Variants in PPIL4 observed in about 807,000 individuals in gnomAD.
The protein encoded by PPIL4 is peptidyl-prolyl cis-trans isomerase-like 4.
Under a neutral mutation model 69.1 loss-of-function variants are expected in PPIL4, and 50 were observed. That is an observed-to-expected ratio of 0.72 (90% CI 0.58 to 0.92). The LOEUF is 0.92. Ranked by LOEUF, PPIL4 falls within the 40% of genes least tolerant of loss-of-function variation. The pLI is 0.00. For synonymous variants in PPIL4, 193 were observed against 191.6 expected, an observed-to-expected ratio of 1.01 and a Z score of -0.06; for missense variants, 480 against 587.9, an observed-to-expected ratio of 0.82 and a Z score of 1.90.
intron 7 of PPIL4, among the ~76,000 whole-genome samples, chr6:149,531,226 G>A (rs907419291): frequency 6.6e-6 from 1 of 151,896 alleles, no homozygotes; most frequent in Non-Finnish European, 1.5e-5. Flanking sequence ...TTAGCTGGAT[G>A]TGGTGGCAGG....
chr6:149,539,009 G>T (rs1006247893), intron 4 of PPIL4, among the ~76,000 whole-genome samples: 7 of 152,124 alleles, frequency 4.6e-5, no homozygotes, highest in Non-Finnish European at 7.3e-5. Flanking sequence ...ACCACGCCGA[G>T]CTAATTTTTG....
intron 1 of PPIL4, among the ~76,000 whole-genome samples, chr6:149,541,925 A>G (rs939160505): frequency 6.6e-6 from 1 of 152,086 alleles, no homozygotes; most frequent in Non-Finnish European, 1.5e-5. Context: ...GAGGCAGGAG[A>G]ATCACTTGAA....
chr6:149,542,347 T>C (rs1189514963), intron 1 of PPIL4, among the ~76,000 whole-genome samples: 2 of 152,182 alleles, frequency 1.3e-5, no homozygotes, highest in African/African-American at 4.8e-5. Context: ...ACAACCTTTC[T>C]CATACAAGTT....
At position 149,505,347 on chromosome 6, in the gene PPIL4, A is replaced by G; in HGVS notation, c.*106T>C. 2 of 1,070,694 alleles carry G rather than the reference A, an allele frequency of 1.9e-6. No homozygotes were observed. The highest frequency in any genetic ancestry group is 1.6e-5 in the South Asian group (1 of 63,712). The allele number at this position is 1,070,694 out of a possible 1,614,324, so 66.3% of individuals were successfully genotyped here. On this transcript the variant is annotated 3_prime_UTR_variant, in exon 13 of 13. Coordinates refer to ENST00000253329, the MANE Select transcript of PPIL4 (RefSeq NM_139126.4). ...ATCTAAAGACCATAATCCTAGTATG[A>G]AAAAAATAACAAGCTTTGACACAAA...
At chr6:149,533,670 C>A (rs1159197492) in intron 6 of PPIL4, 96 bp from the exon 7 acceptor site, 5 of 681,142 alleles carry the variant, frequency 7.3e-6, no homozygotes, top group African/African-American at 1.8e-5. Context: ...ATCAAACATG[C>A]TAAAACAGTA....
chr6:149,510,634 C>A (rs1354611898), intron 12 of PPIL4, among the ~76,000 whole-genome samples: 2 of 151,728 alleles, frequency 1.3e-5, no homozygotes, highest in Non-Finnish European at 2.9e-5. Flanking sequence ...CCCACCTACT[C>A]GGGAGGCTGA....
chr6:149,514,007 G>A (rs1437766498), intron 11 of PPIL4, among the ~76,000 whole-genome samples: 1 of 152,120 alleles, frequency 6.6e-6, no homozygotes, highest in Admixed American at 6.5e-5. Flanking sequence ...CACAGTAAAC[G>A]CAGACACACT....
intron 5 of PPIL4, 40 bp downstream of exon 5, chr6:149,535,556 A>G (rs752134108): frequency 3.2e-6 from 5 of 1,553,924 alleles, no homozygotes; most frequent in South Asian, 1.1e-5. Context: ...CTCAATATTA[A>G]AACATTCTAG....
chr6:149,511,433 GGT>G (rs140584024), intron 12 of PPIL4, among the ~76,000 whole-genome samples: 3 of 150,146 alleles, frequency 2.0e-5, no homozygotes, highest in Non-Finnish European at 4.4e-5. Context: ...TTTTTGTCAA[GGT>G]GTGTGTGTGT....
chr6:149,514,728 G>A (rs1252271519), intron 11 of PPIL4, among the ~76,000 whole-genome samples: 1 of 150,782 alleles, frequency 6.6e-6, no homozygotes, highest in Non-Finnish European at 1.5e-5. Context: ...TACAGTATAT[G>A]CCTAAAAAAA....
At chr6:149,512,016 G>A in intron 12 of PPIL4, 139 bp downstream of exon 12, 2 of 592,238 alleles carry the variant, frequency 3.4e-6, no homozygotes, top group Non-Finnish European at 5.7e-6. Flanking sequence ...ATACCCCAGT[G>A]CAACCATTCT....
At chr6:149,513,783 A>T (rs1041132022) in intron 11 of PPIL4, among the ~76,000 whole-genome samples, 2 of 151,884 alleles carry the variant, frequency 1.3e-5, no homozygotes, top group African/African-American at 2.4e-5. Context: ...ATGTGTTAAA[A>T]ATGTTTTAAT....
intron 7 of PPIL4, among the ~76,000 whole-genome samples, chr6:149,528,745 T>A (rs539384316): frequency 6.6e-6 from 1 of 152,318 alleles, no homozygotes; most frequent in East Asian, 1.9e-4. Context: ...CAATCCAGCA[T>A]CTGAACTCCT....
In PPIL4 at chr6:149,514,742, T is replaced by G. The variant is rs12525448; in HGVS notation, c.1080-2440A>C. On this transcript the variant is annotated intron_variant, in intron 11 of 12. Transcript: ENST00000253329. The stretch of plus-strand genomic sequence containing the variant: ...ATACAGTATATGCCTAAAAAAATTT[T>G]ATTTTATTAATCTTTTGGTTCAAGT... 0.031 allele frequency among the ~76,000 whole-genome samples: 4,470 copies of G among 145,236 alleles called. 379 individuals carry two copies. In the East Asian group the frequency reaches 0.32, roughly 11 times the overall value.
chr6:149,538,722 G>A (rs970062277), intron 4 of PPIL4, among the ~76,000 whole-genome samples: 2 of 152,182 alleles, frequency 1.3e-5, no homozygotes, highest in Non-Finnish European at 2.9e-5. Context: ...CAAATGTGGT[G>A]GAAACTGCAA....
intron 11 of PPIL4, among the ~76,000 whole-genome samples, chr6:149,514,905 T>C (rs1016838137): frequency 4.0e-5 from 6 of 151,828 alleles, no homozygotes; most frequent in African/African-American, 1.2e-4. Flanking sequence ...GGCGCGATCT[T>C]GGCTCACCAC....
At chr6:149,524,414 G>A (rs1432659274) in intron 9 of PPIL4, among the ~76,000 whole-genome samples, 9 of 152,198 alleles carry the variant, frequency 5.9e-5, no homozygotes, top group Non-Finnish European at 1.3e-4. Flanking sequence ...TTATTTATAA[G>A]AAGGTAAGAC....
rs757149934 is a variant in PPIL4, at chr6:149,535,728, G to T, written c.332C>A (p.Thr111Asn). Residue 111 changes from threonine to asparagine, a missense_variant, in exon 5 of 13, where the codon ACC becomes AAC. Thr to Asn is a moderately conservative substitution (Grantham distance 65). Coordinates refer to ENST00000253329, the MANE Select transcript of PPIL4 (RefSeq NM_139126.4). ...SDQHGSQFLI[T>N]TGENLDYLDG... ...AAGATAATCTAGATTTTCTCCTGTGGTGATAAGAAACTATAAAGAAGGACA... is the reference window on the plus strand; with the variant it reads ...AAGATAATCTAGATTTTCTCCTGTGTTGATAAGAAACTATAAAGAAGGACA... 7.5e-6 allele frequency: 12 copies of T among 1,600,482 alleles called. No homozygotes were observed. The East Asian group carries it at 2.7e-4, about 36-fold the overall frequency.
At chr6:149,538,435 G>A (rs1475977945) in intron 4 of PPIL4, among the ~76,000 whole-genome samples, 1 of 152,074 alleles carries the variant, frequency 6.6e-6, no homozygotes, top group Non-Finnish European at 1.5e-5. Flanking sequence ...AGGATCACTT[G>A]AGCAACGTAG....
Sources: gnomAD v4.1 joint callset for allele counts (sites outside exome capture counted in the v4.1 genomes callset) on GRCh38, gnomAD v4.1.1 for gene constraint, MANE v1.5 for transcripts, NCBI Gene and HGNC (gene_info 2026-07-23, HGNC 2026-07-21) for gene names.